Variants in PCDHGB2 observed in about 807,000 individuals in gnomAD.
The protein encoded by PCDHGB2 is protocadherin gamma-B2.
PCDHGB2 carries 55 observed loss-of-function variants against 59.3 expected under a neutral mutation model. The ratio of observed to expected loss-of-function variants is 0.93; its 90% CI spans 0.75 to 1.16. The LOEUF (loss-of-function observed/expected upper bound fraction) is 1.16, where lower values mean the gene tolerates loss of function less well. Among genes scored for constraint, PCDHGB2 ranks in the 50% most tolerant of loss-of-function variants. PCDHGB2 has a pLI of 0.00. For missense variants in PCDHGB2, 1,228 were observed against 1,198.5 expected (o/e 1.02, Z -0.36); for synonymous variants, 516 against 512.0 (o/e 1.01, Z -0.11).
intron 2 of PCDHGB2, among the ~76,000 whole-genome samples, chr5:141,504,369 A>G (rs968327872): frequency 6.6e-5 from 10 of 152,272 alleles, no homozygotes; most frequent in Non-Finnish European, 1.2e-4. Context: ...AGTAGGAAGC[A>G]GGTGGAGTCG....
rs374134053 is a variant in PCDHGB2, at chr5:141,389,297, A to T, written c.2421+26741A>T. ...ACCCGCCTGGAGCCTCTATTTCACA[A>T]GTCAGGGCTTCTGATCCGGACTTGG... On this transcript the variant is annotated intron_variant, in intron 1 of 3. Coordinates refer to ENST00000522605, the MANE Select transcript of PCDHGB2 (RefSeq NM_018923.3). 6.2e-6 allele frequency: 10 copies of T among 1,613,860 alleles called. No individual in the cohort carries two copies. In the African/African-American group the frequency reaches 1.3e-4, roughly 22 times the overall value.
intron 1 of PCDHGB2, among the ~76,000 whole-genome samples, chr5:141,492,802 G>A (rs1490284966): frequency 6.6e-6 from 1 of 152,234 alleles, no homozygotes; most frequent in Non-Finnish European, 1.5e-5. Flanking sequence ...GCAGGACTGG[G>A]ACTCCAGTGG....
chr5:141,454,998 G>C (rs909142112), intron 1 of PCDHGB2, among the ~76,000 whole-genome samples: 27 of 151,220 alleles, frequency 1.8e-4, no homozygotes, highest in African/African-American at 5.8e-4. Context: ...ATTTTTAGTA[G>C]AGACGGGGTT....
Position 141,491,925 on chromosome 5 carries a change from G to C in PCDHGB2, c.2422-2882G>C. On this transcript the variant is annotated intron_variant, in intron 1 of 3. Coordinates refer to ENST00000522605, the MANE Select transcript of PCDHGB2 (RefSeq NM_018923.3). This position sits in a 1 kb window ranked among gnomAD's most constrained non-coding sequence, Gnocchi z 6.9. ...GGGTGGTGGCGACTGTGGGCGAGGG[G>C]AGGTGGGACCGACCCCCACCCCTAC... 1 of 1,325,176 alleles carries C rather than the reference G, an allele frequency of 7.5e-7. No individual in the cohort carries two copies. Among genetic ancestry groups the C allele is most frequent in the Non-Finnish European group, 1.0e-6 (1 of 987,300 alleles). The allele number at this position is 1,325,176 out of a possible 1,614,324, so 82.1% of individuals were successfully genotyped here.
At chr5:141,436,439 A>G (rs1481744238) in intron 1 of PCDHGB2, among the ~76,000 whole-genome samples, 5 of 152,208 alleles carry the variant, frequency 3.3e-5, no homozygotes, top group African/African-American at 1.2e-4. Flanking sequence ...TCTGGGGATT[A>G]CCTGATACCA....
In PCDHGB2 at chr5:141,485,115, G is replaced by T. The variant is rs1043877839; in HGVS notation, c.2422-9692G>T. On this transcript the variant is annotated intron_variant, in intron 1 of 3. Transcript: ENST00000522605. This position sits in a 1 kb window ranked among gnomAD's most constrained non-coding sequence, Gnocchi z 5.7. ...GTGTCTCCAGCTGCTGTGGCTGTTT[G>T]GGGCGGGTCGGCTTCATCCGCGTCT... The T allele has an allele frequency of 3.8e-6, 5 of 1,300,464 alleles. No homozygotes were observed. The African/African-American group carries it at 5.8e-5, about 15-fold the overall frequency. The allele number at this position is 1,300,464 out of a possible 1,614,324, so 80.6% of individuals were successfully genotyped here.
Position 141,431,142 on chromosome 5 carries a change from A to G in PCDHGB2, c.2422-63665A>G. ...GAAGTAGAAGTAAGGGACATTAACG[A>G]CAATGCGCCTTACTTTCGTGAAAGT... On this transcript the variant is annotated intron_variant, in intron 1 of 3. Coordinates refer to ENST00000522605, the MANE Select transcript of PCDHGB2 (RefSeq NM_018923.3). This position sits in a 1 kb window ranked among gnomAD's most constrained non-coding sequence, Gnocchi z 4.8. 1 of 1,614,240 alleles carries G rather than the reference A, an allele frequency of 6.2e-7. No individual in the cohort carries two copies. Among genetic ancestry groups the G allele is most frequent in the Non-Finnish European group, 8.5e-7 (1 of 1,180,024 alleles).
intron 1 of PCDHGB2, chr5:141,384,851 A>G (rs1460277994): frequency 1.9e-6 from 3 of 1,613,516 alleles, no homozygotes; most frequent in East Asian, 2.2e-5. Flanking sequence ...GACCACGGTC[A>G]GCCTCCTCTG....
At chr5:141,395,169 G>A in intron 1 of PCDHGB2, 3 of 1,614,020 alleles carry the variant, frequency 1.9e-6, no homozygotes, top group Non-Finnish European at 2.5e-6. Flanking sequence ...GGAGGGCTGT[G>A]AGAAAAATGA....
intron 1 of PCDHGB2, chr5:141,411,845 G>C (rs984420523): frequency 6.6e-6 from 1 of 151,920 alleles, no homozygotes; most frequent in Non-Finnish European, 1.5e-5. Context: ...AGGTGACAGA[G>C]TGAGACCCTG....
intron 1 of PCDHGB2, chr5:141,414,115 G>A: frequency 6.3e-7 from 1 of 1,591,952 alleles, no homozygotes; most frequent in Middle Eastern, 1.7e-4. Flanking sequence ...TCTAGATTAT[G>A]AAGAAACCGG....
At chr5:141,393,534 G>GA in intron 1 of PCDHGB2, 1 of 1,613,928 alleles carries the variant, frequency 6.2e-7, no homozygotes, top group Non-Finnish European at 8.5e-7. Flanking sequence ...CAATGCCCCG[G>GA]TTTTTCCTCA....
chr5:141,403,438 T>G (rs759998240), intron 1 of PCDHGB2: 12 of 1,614,054 alleles, frequency 7.4e-6, no homozygotes, highest in Non-Finnish European at 8.5e-6. Flanking sequence ...ATCCGGATGT[T>G]GGCGTGAACT....
intron 1 of PCDHGB2, chr5:141,384,444 C>G (rs751427123): frequency 1.9e-6 from 3 of 1,613,906 alleles, no homozygotes; most frequent in Non-Finnish European, 2.5e-6. Context: ...GAGTCCTGTA[C>G]GCGCTGCAAT....
At chr5:141,488,855 C>T (rs1441666819) in intron 1 of PCDHGB2, among the ~76,000 whole-genome samples, 2 of 152,190 alleles carry the variant, frequency 1.3e-5, no homozygotes, top group Non-Finnish European at 1.5e-5. Context: ...ACCTGCAGCA[C>T]GAAGTGAGTG....
Position 141,487,686 on chromosome 5 carries a change from T to G in PCDHGB2, c.2422-7121T>G, listed in dbSNP as rs778973495. The G allele has an allele frequency of 4.4e-6, 7 of 1,605,914 alleles. 1 individual carries two copies. The African/African-American group carries it at 9.4e-5, about 21-fold the overall frequency. On this transcript the variant is annotated intron_variant, in intron 1 of 3. Coordinates refer to ENST00000522605, the MANE Select transcript of PCDHGB2 (RefSeq NM_018923.3). The surrounding 1 kb of genome is among the most constrained non-coding windows in gnomAD (Gnocchi z 5.0). Reference sequence around the variant, plus strand: ...CCAGGCATATGGCTAGGCCATGTCCTAGAGAGTACTGGCCTCTCAGTAAGT... The same window carrying G: ...CCAGGCATATGGCTAGGCCATGTCCGAGAGAGTACTGGCCTCTCAGTAAGT...
At position 141,431,776 on chromosome 5, in the gene PCDHGB2, C is replaced by A; in HGVS notation, c.2422-63031C>A. Reference sequence around the variant, plus strand: ...CCAAAGTCCTGATCACTGTTCTGGACGTGAACGACAATGCCCCAGAAGTGG... The same window carrying A: ...CCAAAGTCCTGATCACTGTTCTGGAAGTGAACGACAATGCCCCAGAAGTGG... On this transcript the variant is annotated intron_variant, in intron 1 of 3. Coordinates refer to ENST00000522605, the MANE Select transcript of PCDHGB2 (RefSeq NM_018923.3). The surrounding 1 kb of genome is among the most constrained non-coding windows in gnomAD (Gnocchi z 4.8). The A allele has an allele frequency of 6.2e-7, 1 of 1,614,228 alleles. No homozygotes were observed. The highest frequency in any genetic ancestry group is 8.5e-7 in the Non-Finnish European group (1 of 1,180,044).
chr5:141,496,621 C>A (rs1297797187), intron 2 of PCDHGB2, among the ~76,000 whole-genome samples: 1 of 152,214 alleles, frequency 6.6e-6, no homozygotes. Context: ...AGCAGCAGAT[C>A]AAAAGGCTTG....
At position 141,361,977 on chromosome 5, in the gene PCDHGB2, C is replaced by T. The variant is rs531760752; in HGVS notation, c.1842C>T (p.Pro614=). 296 of 1,601,658 alleles carry T rather than the reference C, an allele frequency of 1.8e-4. No individual in the cohort carries two copies. The Admixed American group carries it at 4.9e-3, about 27-fold the overall frequency. ...LSYHVLQASE[P]GLFSLGLRTG... is the part of the protein sequence containing the mutation. Reference sequence around the variant, plus strand: ...ACCACGTGCTGCAGGCCAGCGAGCCCGGGCTCTTCAGCCTGGGGTTGCGCA... The same window carrying T: ...ACCACGTGCTGCAGGCCAGCGAGCCTGGGCTCTTCAGCCTGGGGTTGCGCA... Residue 614 remains proline, a synonymous_variant, in exon 1 of 4, where the codon CCC becomes CCT. Transcript: ENST00000522605.
Sources: gnomAD v4.1 joint callset for allele counts (sites outside exome capture counted in the v4.1 genomes callset) on GRCh38, gnomAD v4.1.1 for gene constraint, Gnocchi (gnomAD v3.1) non-coding constraint, MANE v1.5 for transcripts, NCBI Gene and HGNC (gene_info 2026-07-23, HGNC 2026-07-21) for gene names.